SGMS1: variants seen among roughly 807,000 people sequenced by gnomAD.
SGMS1 encodes sphingomyelin synthase 1.
A neutral mutation model predicts 46.2 loss-of-function variants in SGMS1; 13 were observed. The ratio of observed to expected loss-of-function variants is 0.28; its 90% CI spans 0.18 to 0.45. The LOEUF (loss-of-function observed/expected upper bound fraction) is 0.45, where lower values mean the gene tolerates loss of function less well. Ranked by LOEUF, SGMS1 falls within the 20% of genes least tolerant of loss-of-function variation. SGMS1 has a pLI of 1.00. For missense variants in SGMS1, 324 were observed against 519.9 expected, an observed-to-expected ratio of 0.62 and a Z score of 3.66; for synonymous variants, 203 against 187.8, an observed-to-expected ratio of 1.08 and a Z score of -0.66.
chr10:50,503,406 T>C (rs1380110205), intron 3 of SGMS1, among the ~76,000 whole-genome samples: 1 of 152,184 alleles, frequency 6.6e-6, no homozygotes, highest in African/African-American at 2.4e-5. Context: ...CACATCCAGA[T>C]AGCCGGTTCC....
chr10:50,415,734 C>T (rs1810643744), intron 6 of SGMS1, among the ~76,000 whole-genome samples: 1 of 152,178 alleles, frequency 6.6e-6, no homozygotes, highest in Admixed American at 6.5e-5. Flanking sequence ...GACTTTCTCA[C>T]CTCCACATAA....
chr10:50,418,564 A>G (rs1849212794), intron 6 of SGMS1: 1 of 152,238 alleles, frequency 6.6e-6, no homozygotes, highest in African/African-American at 2.4e-5. Flanking sequence ...TACCAAGCTT[A>G]GAAGCCTTTC....
intron 6 of SGMS1, among the ~76,000 whole-genome samples, chr10:50,381,172 T>A (rs926991539): frequency 8.6e-5 from 13 of 151,156 alleles, no homozygotes; most frequent in Non-Finnish European, 1.3e-4. Flanking sequence ...AAACAAATAC[T>A]AATGAACATT....
intron 9 of SGMS1, among the ~76,000 whole-genome samples, chr10:50,309,874 T>C (rs1847228917): frequency 3.3e-5 from 5 of 152,182 alleles, no homozygotes; most frequent in Admixed American, 3.3e-4. Context: ...TTTATTAATG[T>C]CTTAAAGTGT....
In SGMS1 at chr10:50,384,386, TC is replaced by T. The variant is rs1238022838; in HGVS notation, c.-231-40042del. On this transcript the variant is annotated intron_variant, in intron 6 of 10. Transcript: ENST00000361781. ...CTTACTTTCTTTCTCTCTTTCTTTT[TC>T]TCTCTCTCTCTCTCCTTTCCTTCCT... is the stretch of plus-strand genomic sequence containing the variant. 4.0e-5 allele frequency among the ~76,000 whole-genome samples: 6 copies of T among 149,178 alleles called. No homozygotes were observed. The East Asian group carries it at 6.0e-4, about 15-fold the overall frequency.
At chr10:50,583,262 C>G (rs1227553934) in intron 2 of SGMS1, among the ~76,000 whole-genome samples, 1 of 152,114 alleles carries the variant, frequency 6.6e-6, no homozygotes, top group African/African-American at 2.4e-5. Flanking sequence ...AAAGGTCAAA[C>G]AAGAATACAT....
intron 8 of SGMS1, among the ~76,000 whole-genome samples, chr10:50,321,547 GA>G (rs931408063): frequency 6.6e-6 from 1 of 151,666 alleles, no homozygotes; most frequent in Non-Finnish European, 1.5e-5. Flanking sequence ...GCAAGAAGCA[GA>G]AAAAAAAGAA....
chr10:50,435,472 G>C (rs1849463367), intron 5 of SGMS1, among the ~76,000 whole-genome samples: 1 of 152,144 alleles, frequency 6.6e-6, no homozygotes, highest in Non-Finnish European at 1.5e-5. Flanking sequence ...TGTAACTTTT[G>C]ACAACAATAT....
chr10:50,323,915 A>G (rs1847489424), intron 8 of SGMS1, among the ~76,000 whole-genome samples: 1 of 152,190 alleles, frequency 6.6e-6, no homozygotes, highest in Non-Finnish European at 1.5e-5. Context: ...ACAAATTTAA[A>G]CTAACAGATT....
chr10:50,604,556 T>C (rs1838677726), intron 1 of SGMS1, among the ~76,000 whole-genome samples: 2 of 152,228 alleles, frequency 1.3e-5, no homozygotes, highest in African/African-American at 4.8e-5. Context: ...AGAGACACAT[T>C]TCTTTGATTA....
At position 50,306,137 on chromosome 10, in the gene SGMS1, C is replaced by G. The variant is rs568884421; in HGVS notation, c.*1005G>C. The G allele has an allele frequency of 3.3e-5, 5 of 152,724 alleles. No individual in the cohort carries two copies. The allele number at this position is 152,724 out of a possible 1,614,324, so 9.5% of individuals were successfully genotyped here. ...TCATTGAGTAGTTAAAATTGAACTA[C>G]CAAATCGACGATAAAATAATTTAAG... On this transcript the variant is annotated 3_prime_UTR_variant, in exon 11 of 11. Coordinates refer to ENST00000361781, the MANE Select transcript of SGMS1 (RefSeq NM_147156.4).
intron 6 of SGMS1, among the ~76,000 whole-genome samples, chr10:50,353,236 C>T (rs967030395): frequency 6.6e-6 from 1 of 152,276 alleles, no homozygotes; most frequent in African/African-American, 2.4e-5. Flanking sequence ...AAAGCTTCTC[C>T]ACCATGATCA....
At chr10:50,546,103 G>A (rs564442987) in intron 2 of SGMS1, among the ~76,000 whole-genome samples, 1 of 152,244 alleles carries the variant, frequency 6.6e-6, no homozygotes, top group Non-Finnish European at 1.5e-5. Flanking sequence ...ACTGCTTGAT[G>A]GCCACCAGGT....
intron 1 of SGMS1, among the ~76,000 whole-genome samples, chr10:50,618,241 G>A (rs1490357265): frequency 3.9e-5 from 6 of 152,182 alleles, no homozygotes; most frequent in Non-Finnish European, 7.4e-5. Flanking sequence ...AGCCCTCAAT[G>A]TGAAAGGTAA....
intron 5 of SGMS1, among the ~76,000 whole-genome samples, chr10:50,442,852 GA>G (rs2133640957): frequency 6.6e-6 from 1 of 152,312 alleles, no homozygotes; most frequent in African/African-American, 2.4e-5. Flanking sequence ...TAACTGTGCA[GA>G]AGCTCTTTAG....
intron 6 of SGMS1, among the ~76,000 whole-genome samples, chr10:50,407,487 T>C (rs533141326): frequency 1.1e-4 from 17 of 152,206 alleles, no homozygotes; most frequent in Non-Finnish European, 1.6e-4. Flanking sequence ...GTTGATATCT[T>C]TGATATCCTT....
intron 2 of SGMS1, among the ~76,000 whole-genome samples, chr10:50,529,702 A>C (rs1290145260): frequency 1.3e-5 from 2 of 152,222 alleles, no homozygotes; most frequent in Non-Finnish European, 2.9e-5. Flanking sequence ...CTATTTCAGA[A>C]ATATGAATCA....
intron 1 of SGMS1, among the ~76,000 whole-genome samples, chr10:50,620,931 C>T (rs1034931436): frequency 7.2e-5 from 11 of 152,070 alleles, no homozygotes; most frequent in Non-Finnish European, 1.5e-4. Context: ...CACCTGTAAT[C>T]GCAGCACTTT....
chr10:50,419,654 A>G (rs1342246502), intron 6 of SGMS1, among the ~76,000 whole-genome samples: 3 of 152,184 alleles, frequency 2.0e-5, no homozygotes, highest in African/African-American at 7.2e-5. Context: ...GGAATTGGCA[A>G]ATTACAGGGG....
Sources: allele counts gnomAD v4.1 joint callset (sites outside exome capture counted in the v4.1 genomes callset), GRCh38; gene constraint gnomAD v4.1.1; transcripts MANE v1.5; gene names NCBI Gene and HGNC (gene_info 2026-07-23, HGNC 2026-07-21).